PCNX2: variants seen among roughly 807,000 people sequenced by gnomAD.
PCNX2 encodes the protein pecanex-like protein 2.
A neutral mutation model predicts 223.8 loss-of-function variants in PCNX2; 168 were observed. The ratio of observed to expected loss-of-function variants is 0.75; its 90% CI spans 0.66 to 0.85. The LOEUF (loss-of-function observed/expected upper bound fraction) is 0.85, where lower values mean the gene tolerates loss of function less well. PCNX2 is among the 40% of genes least tolerant of loss of function. The pLI is 0.00. For synonymous variants in PCNX2, 1,006 were observed against 1,052.6 expected, an observed-to-expected ratio of 0.96 and a Z score of 0.86; for missense variants, 2,507 against 2,675.5, an observed-to-expected ratio of 0.94 and a Z score of 1.39.
chr1:233,037,708 C>T (rs563502823), intron 25 of PCNX2, among the ~76,000 whole-genome samples: 254 of 152,192 alleles, frequency 1.7e-3, no homozygotes, highest in Non-Finnish European at 2.6e-3. Context: ...AAAGTAGGTT[C>T]GGATAATTTA....
At chr1:233,239,378 T>TA (rs1658620465) in intron 8 of PCNX2, among the ~76,000 whole-genome samples, 1 of 152,218 alleles carries the variant, frequency 6.6e-6, no homozygotes, top group African/African-American at 2.4e-5. Flanking sequence ...AATCAATACA[T>TA]ATCAGCTTAA....
At chr1:233,112,989 G>T in intron 21 of PCNX2, 1 of 1,289,334 alleles carries the variant, frequency 7.8e-7, no homozygotes, top group Non-Finnish European at 1.0e-6. Context: ...AGACAAGAAA[G>T]TGGATGTGTT....
rs774171316 is a variant in PCNX2 at position 233,090,143 on chromosome 1, T to C, written c.3994A>G (p.Thr1332Ala). The C allele has an allele frequency of 6.2e-7, 1 of 1,613,644 alleles. No individual in the cohort carries two copies. The highest frequency in any genetic ancestry group is 1.3e-5 in the African/African-American group (1 of 74,858). ...CTCCCAAGAAATGGGCTCAATGGGG[T>C]AGAAAAGATTGATGTGGCAATCGTC... ...FQTIATSIFS[T>A]PLSPFLGSVI... Residue 1332 changes from threonine to alanine, a missense_variant, in exon 23 of 34, where the codon ACC (threonine) becomes GCC (alanine). Thr to Ala is a moderately conservative substitution (Grantham distance 58). Around this residue, in one of 3 missense-constraint regions of PCNX2, gnomAD observed 1,372 missense variants for 1,509.4 expected, o/e 0.91. Transcript: ENST00000258229.
chr1:233,119,403 CAAAAAAAAAAAAAAAAAA>C (rs71173251), intron 21 of PCNX2, among the ~76,000 whole-genome samples: 6 of 38,640 alleles, frequency 1.6e-4, no homozygotes, highest in Non-Finnish European at 1.3e-4. Context: ...ACTAAAAATA[CAAAAAAAAAAAAAAAAAA>C]AAAAAAAAAA....
intron 26 of PCNX2, among the ~76,000 whole-genome samples, chr1:233,024,420 C>T (rs1460827531): frequency 6.6e-6 from 1 of 152,176 alleles, no homozygotes; most frequent in African/African-American, 2.4e-5. Context: ...AGGACTTCCA[C>T]CATGCCAAGT....
At chr1:232,987,221 C>T (rs1310473192) in intron 32 of PCNX2, among the ~76,000 whole-genome samples, 3 of 152,232 alleles carry the variant, frequency 2.0e-5, no homozygotes, top group African/African-American at 7.2e-5. Flanking sequence ...TTTGCTGAAA[C>T]TTGTCTAGAC....
At chr1:233,178,274 T>TC in intron 16 of PCNX2, among the ~76,000 whole-genome samples, 1 of 152,302 alleles carries the variant, frequency 6.6e-6, no homozygotes, top group African/African-American at 2.4e-5. Flanking sequence ...AACTTTTGTT[T>TC]CCCCCATTTT....
intron 15 of PCNX2, among the ~76,000 whole-genome samples, chr1:233,189,608 G>A (rs1442658460): frequency 1.1e-4 from 16 of 152,068 alleles, no homozygotes; most frequent in Admixed American, 1.0e-3. Flanking sequence ...TTTACAATTA[G>A]ATTTTAAACC....
intron 23 of PCNX2, among the ~76,000 whole-genome samples, chr1:233,082,836 A>C (rs1673420993): frequency 6.6e-6 from 1 of 152,226 alleles, no homozygotes; most frequent in Admixed American, 6.5e-5. Flanking sequence ...ATTTGTTAAT[A>C]CAAATCATGA....
intron 15 of PCNX2, among the ~76,000 whole-genome samples, chr1:233,189,464 G>A (rs572274966): frequency 1.6e-4 from 25 of 152,190 alleles, no homozygotes; most frequent in East Asian, 1.2e-3. Context: ...TGTGTGATGC[G>A]GAGTAAATTA....
At position 233,091,480 on chromosome 1, in the gene PCNX2, C is replaced by T. The variant is rs535451523; in HGVS notation, c.3947-1290G>A. Among the ~76,000 whole-genome samples the T allele has an allele frequency of 9.2e-5, 14 of 151,984 alleles. No individual in the cohort carries two copies. In the South Asian group the frequency reaches 2.9e-3, roughly 32 times the overall value. The stretch of plus-strand genomic sequence containing the variant: ...GGGGTGGGGGTGGAAGTGGGGATTC[C>T]CTAACAGCCCTATTTATATGTAAGA... On this transcript the variant is annotated intron_variant, in intron 22 of 33. Coordinates refer to ENST00000258229, the MANE Select transcript of PCNX2 (RefSeq NM_014801.4).
intron 33 of PCNX2, 181 bp downstream of exon 33, chr1:232,985,911 T>A: frequency 2.9e-6 from 2 of 696,054 alleles, no homozygotes; most frequent in Non-Finnish European, 5.0e-6. Context: ...TTGTCTGCTT[T>A]CAAGAGCAGC....
intron 9 of PCNX2, among the ~76,000 whole-genome samples, chr1:233,235,957 A>AAATATAT (rs369886650): frequency 2.3e-3 from 214 of 93,088 alleles, no homozygotes; most frequent in East Asian, 5.9e-3. Flanking sequence ...CATAAAAAAA[A>AAATATAT]ATATATATAT....
At chr1:233,028,399 T>C (rs551205617) in intron 25 of PCNX2, among the ~76,000 whole-genome samples, 3 of 152,358 alleles carry the variant, frequency 2.0e-5, no homozygotes, top group Admixed American at 6.5e-5. Context: ...TTGCTTCTTA[T>C]AGTTCTGTTA....
chr1:233,093,390 C>G lies in PCNX2; in HGVS notation c.3946+2365G>C, dbSNP rs957985080. ...AAACAGTGCCCTGCTGGCCTGAAAG[C>G]TAATTCAATTCCAAAACAGAGCAAA... On this transcript the variant is annotated intron_variant, in intron 22 of 33. Coordinates refer to ENST00000258229, the MANE Select transcript of PCNX2 (RefSeq NM_014801.4). Among the ~76,000 whole-genome samples, 12 of 152,314 alleles carry G rather than the reference C, an allele frequency of 7.9e-5. No individual in the cohort carries two copies. The South Asian group carries it at 2.5e-3, about 32-fold the overall frequency.
In PCNX2 at chr1:233,129,309, C is replaced by T. The variant is rs115941057; in HGVS notation, c.3837+5704G>A. Reference sequence around the variant, plus strand: ...GCAGTGCCAGCCCACCGGTGCTGCCCTCGATTTCTCGCCGGGCCTTAGCTG... The same window carrying T: ...GCAGTGCCAGCCCACCGGTGCTGCCTTCGATTTCTCGCCGGGCCTTAGCTG... On this transcript the variant is annotated intron_variant, in intron 21 of 33. Coordinates refer to ENST00000258229, the MANE Select transcript of PCNX2 (RefSeq NM_014801.4). 4.6e-3 allele frequency among the ~76,000 whole-genome samples: 704 copies of T among 152,342 alleles called. 1 individual carries two copies. The highest frequency in any genetic ancestry group is 0.015 in the African/African-American group (633 of 41,590).
chr1:233,063,115 T>C (rs571131962), intron 23 of PCNX2, among the ~76,000 whole-genome samples: 21 of 152,202 alleles, frequency 1.4e-4, no homozygotes, highest in African/African-American at 5.1e-4. Context: ...CACACCCTTG[T>C]AATCCCAGCT....
At position 233,218,200 on chromosome 1, in the gene PCNX2, ACAT is replaced by A; in HGVS notation, c.2505-19_2505-17del. 2 of 1,154,312 alleles carry A rather than the reference ACAT, an allele frequency of 1.7e-6. No homozygotes were observed. Among genetic ancestry groups the A allele is most frequent in the African/African-American group, 1.8e-5 (1 of 56,918 alleles). The allele number at this position is 1,154,312 out of a possible 1,614,324, so 71.5% of individuals were successfully genotyped here. A position where few individuals can be genotyped will look rare whatever the true frequency, so the allele number is the denominator to read the frequency against. On this transcript the variant is annotated splice_polypyrimidine_tract_variant and intron_variant, in intron 10 of 33. Coordinates refer to ENST00000258229, the MANE Select transcript of PCNX2 (RefSeq NM_014801.4). ...GTCTTCAGTTCTGTGCAAAATATAT[ACAT>A]AAAAGCAAAAAAAAAAAAAAAAAAA...
At chr1:233,259,913 T>C (rs1016287096) in intron 4 of PCNX2, 17 of 686,702 alleles carry the variant, frequency 2.5e-5, no homozygotes, top group South Asian at 6.7e-5. Context: ...ATAACAACTA[T>C]ATATATAGCA....
Sources: gnomAD v4.1 joint callset for allele counts (sites outside exome capture counted in the v4.1 genomes callset) on GRCh38, gnomAD v4.1.1 for gene constraint, gnomAD v4.1.1 regional missense constraint, MANE v1.5 for transcripts, NCBI Gene and HGNC (gene_info 2026-07-23, HGNC 2026-07-21) for gene names.